PTPRC: variants seen among roughly 807,000 people sequenced by gnomAD.
PTPRC encodes protein tyrosine phosphatase receptor type C.
A neutral mutation model predicts 155.9 loss-of-function variants in PTPRC; 44 were observed. The observed-to-expected ratio is 0.28, with a 90% CI of 0.22 to 0.36. The LOEUF (loss-of-function observed/expected upper bound fraction) is 0.36. PTPRC is among the 10% of genes least tolerant of loss of function. PTPRC has a pLI of 1.00. For synonymous variants in PTPRC, 525 were observed against 533.1 expected, an observed-to-expected ratio of 0.98 and a Z score of 0.21; for missense variants, 1,401 against 1,564.6, an observed-to-expected ratio of 0.90 and a Z score of 1.76.
In PTPRC at chr1:198,639,213, T is replaced by G; in HGVS notation, c.-43-13T>G. On this transcript the variant is annotated splice_polypyrimidine_tract_variant and intron_variant, in intron 1 of 32. Transcript: ENST00000442510. ...AAAACTTCTACAGAGATAACAATTA[T>G]TTTGCTTTTCAGAAGGACGCATGCT... 2 of 1,422,838 alleles carry G rather than the reference T, an allele frequency of 1.4e-6. No individual in the cohort carries two copies. The highest frequency in any genetic ancestry group is 2.0e-6 in the Non-Finnish European group (2 of 1,006,074). 88.1% of individuals were successfully genotyped at this position (1,422,838 alleles called of 1,614,324 possible). A position where few individuals can be genotyped will look rare whatever the true frequency, so the allele number is the denominator to read the frequency against.
At chr1:198,747,927 T>G (rs1216388977) in intron 26 of PTPRC, among the ~76,000 whole-genome samples, 182 bp from the exon 27 acceptor site, 2 of 151,842 alleles carry the variant, frequency 1.3e-5, no homozygotes, top group Non-Finnish European at 2.9e-5. Flanking sequence ...TCAAAAGGAC[T>G]AAATGCCTGA....
intron 2 of PTPRC, among the ~76,000 whole-genome samples, chr1:198,667,379 G>T (rs559509568): frequency 1.1e-4 from 16 of 152,266 alleles, no homozygotes; most frequent in African/African-American, 3.6e-4. Flanking sequence ...AGTTGCCATA[G>T]CTCATAGTCA....
At chr1:198,722,058 C>A (rs1022286516) in intron 14 of PTPRC, among the ~76,000 whole-genome samples, 2 of 150,968 alleles carry the variant, frequency 1.3e-5, no homozygotes, top group African/African-American at 4.8e-5. Context: ...GGTTGAATTT[C>A]CTTTTTTAAT....
At chr1:198,733,616 T>G (rs1654495165) in intron 20 of PTPRC, among the ~76,000 whole-genome samples, 1 of 151,794 alleles carries the variant, frequency 6.6e-6, no homozygotes, top group South Asian at 2.1e-4. Context: ...TTTATCTGCC[T>G]CTGTACTCCT....
At chr1:198,701,719 G>A (rs1381442965) in intron 5 of PTPRC, among the ~76,000 whole-genome samples, 1 of 152,182 alleles carries the variant, frequency 6.6e-6, no homozygotes, top group Admixed American at 6.5e-5. Context: ...AGAGAATGAT[G>A]CCACTGTAAT....
At chr1:198,717,691 C>T (rs1173258115) in intron 13 of PTPRC, among the ~76,000 whole-genome samples, 1 of 152,022 alleles carries the variant, frequency 6.6e-6, no homozygotes, top group Non-Finnish European at 1.5e-5. Context: ...AGGTGTTTAC[C>T]AGGATAACAT....
chr1:198,678,745 TC>T (rs1327058140), intron 2 of PTPRC, among the ~76,000 whole-genome samples: 7 of 149,580 alleles, frequency 4.7e-5, no homozygotes, highest in African/African-American at 1.7e-4. Flanking sequence ...AAATCCTTTT[TC>T]TTTTTCTTTT....
intron 2 of PTPRC, among the ~76,000 whole-genome samples, chr1:198,675,967 G>A (rs1664932059): frequency 6.6e-6 from 1 of 152,074 alleles, no homozygotes; most frequent in South Asian, 2.1e-4. Flanking sequence ...TCGAAGCTCT[G>A]GATGCTATCT....
Position 198,708,264 on chromosome 1 carries a change from A to G in PTPRC, c.1033+3A>G. 6.2e-7 allele frequency: 1 copy of G among 1,603,922 alleles called. No homozygotes were observed. The highest frequency in any genetic ancestry group is 8.5e-7 in the Non-Finnish European group (1 of 1,172,774). ...TATTACCTACAGATTTCAGTGTGGT[A>G]AGAATATAACATTGACCAGAGAATT... On this transcript the variant is annotated splice_donor_region_variant and intron_variant, in intron 10 of 32. Transcript: ENST00000442510.
chr1:198,701,969 T>C (rs771455321), intron 5 of PTPRC, among the ~76,000 whole-genome samples: 1 of 152,224 alleles, frequency 6.6e-6, no homozygotes, highest in Non-Finnish European at 1.5e-5. Context: ...TGTATCAAGT[T>C]GCACTTCCTC....
chr1:198,719,069 T>G (rs988742123), intron 14 of PTPRC, among the ~76,000 whole-genome samples: 1 of 152,194 alleles, frequency 6.6e-6, no homozygotes, highest in Admixed American at 6.5e-5. Flanking sequence ...TGAATGTCTT[T>G]AATAATTTAT....
intron 2 of PTPRC, chr1:198,679,823 C>T (rs1473531713): frequency 1.8e-5 from 10 of 552,492 alleles, no homozygotes; most frequent in Non-Finnish European, 3.2e-5. Flanking sequence ...TTCTTCCTGC[C>T]GGGAGCGTCC....
intron 15 of PTPRC, among the ~76,000 whole-genome samples, chr1:198,725,813 G>C (rs1654107754): frequency 6.6e-6 from 1 of 152,158 alleles, no homozygotes; most frequent in Non-Finnish European, 1.5e-5. Flanking sequence ...TTTCAAACCT[G>C]AGACTCAGGC....
intron 2 of PTPRC, among the ~76,000 whole-genome samples, chr1:198,673,492 A>G (rs1354943157): frequency 6.6e-6 from 1 of 152,198 alleles, no homozygotes; most frequent in African/African-American, 2.4e-5. Flanking sequence ...ATGACCTAGT[A>G]TAACGCATGA....
At chr1:198,748,890 G>A (rs1655255029) in intron 27 of PTPRC, among the ~76,000 whole-genome samples, 1 of 151,584 alleles carries the variant, frequency 6.6e-6, no homozygotes, top group Admixed American at 6.6e-5. Flanking sequence ...TTAAAATATG[G>A]AATTGATGGT....
At chr1:198,693,924 G>T in intron 3 of PTPRC, 2 of 1,404,644 alleles carry the variant, frequency 1.4e-6, no homozygotes. Flanking sequence ...ATTAGTCTGG[G>T]TTCTCTAGAG....
In PTPRC at chr1:198,756,018, A is replaced by G; in HGVS notation, c.3758A>G (p.Asp1253Gly). 3 of 1,613,470 alleles carry G rather than the reference A, an allele frequency of 1.9e-6. No individual in the cohort carries two copies. Among genetic ancestry groups the G allele is most frequent in the Non-Finnish European group, 2.5e-6 (3 of 1,179,626 alleles). ...EDKIEFDNEV[D>G]KVKQDANCVN... Reference sequence around the variant, plus strand: ...AAAATTGAATTTGATAATGAAGTGGACAAAGTAAAGCAGGATGCTAATTGT... The same window carrying G: ...AAAATTGAATTTGATAATGAAGTGGGCAAAGTAAAGCAGGATGCTAATTGT... Residue 1253 changes from aspartate (D) to glycine (G), a missense_variant, in exon 33 of 33, where the codon GAC (aspartate) becomes GGC (glycine). By Grantham distance (94) the Asp-to-Gly change is moderately conservative. This residue lies in a region of PTPRC where 400 missense variants were observed against 389.5 expected (regional missense o/e 1.03). Coordinates refer to ENST00000442510, the MANE Select transcript of PTPRC (RefSeq NM_002838.5).
rs1201281140 is a variant in PTPRC at position 198,744,082 on chromosome 1, T to C, written c.2726T>C (p.Leu909Ser). The change falls in exon 26 of 33, where the codon TTG becomes TCG. Residue 909 changes from leucine (L) to serine (S), a missense_variant. Physicochemically the swap from Leu to Ser is moderately radical, Grantham distance 145. Coordinates refer to ENST00000442510, the MANE Select transcript of PTPRC (RefSeq NM_002838.5). ...CAGTACATCTTGATCCATCAGGCTTTGGTGGAATACAATCAGTTTGGAGAA... is the reference window on the plus strand; with the variant it reads ...CAGTACATCTTGATCCATCAGGCTTCGGTGGAATACAATCAGTTTGGAGAA... ...EAQYILIHQA[L>S]VEYNQFGETE... The C allele has an allele frequency of 3.7e-6, 6 of 1,605,666 alleles. No homozygotes were observed. The Admixed American group carries it at 5.0e-5, about 13-fold the overall frequency.
intron 8 of PTPRC, 27 bp downstream of exon 8, chr1:198,704,525 T>C (rs1666627174): frequency 6.2e-7 from 1 of 1,614,012 alleles, no homozygotes; most frequent in Non-Finnish European, 8.5e-7. Context: ...AGAATCAGCA[T>C]ACCTCACTTT....
Sources: allele counts gnomAD v4.1 joint callset (sites outside exome capture counted in the v4.1 genomes callset), GRCh38; gene constraint gnomAD v4.1.1; regional missense constraint gnomAD v4.1.1; transcripts MANE v1.5; gene names NCBI Gene and HGNC (gene_info 2026-07-23, HGNC 2026-07-21).